The following MAGI1 variants were observed in gnomAD, a reference collection of about 807,000 sequenced individuals.
MAGI1 encodes the protein membrane associated guanylate kinase, WW and PDZ domain containing 1, also known as membrane-associated guanylate kinase, WW and PDZ domain-containing protein 1.
In MAGI1, 58 loss-of-function variants were observed where a neutral mutation model predicts 139.9. That is an observed-to-expected ratio of 0.41 (90% CI 0.34 to 0.52). MAGI1 has a LOEUF of 0.52. Among genes scored for constraint, MAGI1 ranks in the 20% least tolerant of loss-of-function variants. MAGI1 has a pLI of 0.12. For missense variants in MAGI1, 1,874 were observed against 1,901.6 expected (o/e 0.99, Z 0.27); for synonymous variants, 812 against 737.9 (o/e 1.10, Z -1.63).
At position 65,559,929 on chromosome 3, in the gene MAGI1, G is replaced by A. The variant is rs115385926; in HGVS notation, c.430+62043C>T. On this transcript the variant is annotated intron_variant, in intron 2 of 22. Transcript: ENST00000402939. The stretch of plus-strand genomic sequence containing the variant: ...CATGCAACTGTAGTCCCAGCTACTC[G>A]AGAGGCTGAGGTGGGAGGATCATCT... Among the ~76,000 whole-genome samples the A allele has an allele frequency of 3.7e-4, 57 of 152,190 alleles. 2 individuals carry two copies. Among genetic ancestry groups the A allele is most frequent in the South Asian group, 2.1e-4 (1 of 4,816 alleles).
chr3:65,763,818 C>T (rs1015903420), intron 1 of MAGI1, among the ~76,000 whole-genome samples: 2 of 151,748 alleles, frequency 1.3e-5, no homozygotes, highest in African/African-American at 4.8e-5. Context: ...TATCTGTAAT[C>T]CCAGCACTTT....
intron 1 of MAGI1, among the ~76,000 whole-genome samples, chr3:65,857,538 G>A (rs1052393455): frequency 1.1e-4 from 17 of 152,124 alleles, no homozygotes; most frequent in Admixed American, 7.2e-4. Context: ...TGGGTCACAC[G>A]GTTCAGGGTC....
intron 2 of MAGI1, among the ~76,000 whole-genome samples, chr3:65,592,369 G>A (rs1032370153): frequency 6.6e-6 from 1 of 152,068 alleles, no homozygotes; most frequent in East Asian, 1.9e-4. Context: ...CATGCAAAGG[G>A]GAGTTAATAG....
chr3:65,837,498 A>C (rs762593448), intron 1 of MAGI1, among the ~76,000 whole-genome samples: 2 of 152,194 alleles, frequency 1.3e-5, no homozygotes, highest in Non-Finnish European at 2.9e-5. Flanking sequence ...TCCAGCTCAC[A>C]CAAGGGAACC....
chr3:66,019,563 G>A (rs1311445612), intron 1 of MAGI1, among the ~76,000 whole-genome samples: 1 of 152,088 alleles, frequency 6.6e-6, no homozygotes, highest in East Asian at 1.9e-4. Context: ...TCTAAGACTT[G>A]GTTTCTTCAT....
At chr3:65,467,537 TAA>T (rs1480894196) in intron 5 of MAGI1, among the ~76,000 whole-genome samples, 5 of 152,242 alleles carry the variant, frequency 3.3e-5, no homozygotes, top group Non-Finnish European at 5.9e-5. Context: ...CATTTTTGTA[TAA>T]GTTTTCTACT....
chr3:65,765,561 C>G (rs960414239), intron 1 of MAGI1, among the ~76,000 whole-genome samples: 3 of 152,136 alleles, frequency 2.0e-5, no homozygotes, highest in African/African-American at 7.2e-5. Context: ...AGGATTCGGG[C>G]CCAGGACAAC....
At chr3:65,816,841 G>T (rs1345552346) in intron 1 of MAGI1, among the ~76,000 whole-genome samples, 1 of 152,126 alleles carries the variant, frequency 6.6e-6, no homozygotes, top group African/African-American at 2.4e-5. Flanking sequence ...AAAATGTTTT[G>T]TCAACAACTT....
intron 1 of MAGI1, among the ~76,000 whole-genome samples, chr3:65,818,794 A>T (rs2108239241): frequency 6.6e-6 from 1 of 152,290 alleles, no homozygotes; most frequent in African/African-American, 2.4e-5. Context: ...GACAATTGTT[A>T]CAGCAGCCTT....
chr3:65,400,971 T>C (rs1944840463), intron 13 of MAGI1, among the ~76,000 whole-genome samples: 1 of 151,954 alleles, frequency 6.6e-6, no homozygotes, highest in South Asian at 2.1e-4. Context: ...ATTTTGTAAA[T>C]AATTCATCCT....
Position 65,974,609 on chromosome 3 carries a change from A to G in MAGI1, c.313+63387T>C, listed in dbSNP as rs569462367. Reference sequence around the variant, plus strand: ...GTGGTTCTGGCTCAACATCTCTCACACCTCTGCAGTGTTAGTGGGGCTGCA... The same window carrying G: ...GTGGTTCTGGCTCAACATCTCTCACGCCTCTGCAGTGTTAGTGGGGCTGCA... On this transcript the variant is annotated intron_variant, in intron 1 of 22. Transcript: ENST00000402939. 2.0e-5 allele frequency among the ~76,000 whole-genome samples: 3 copies of G among 152,062 alleles called. No individual in the cohort carries two copies. In the South Asian group the frequency reaches 6.2e-4, roughly 32 times the overall value.
chr3:65,657,092 G>C (rs58869946), intron 1 of MAGI1, among the ~76,000 whole-genome samples: 1 of 151,498 alleles, frequency 6.6e-6, no homozygotes, highest in Non-Finnish European at 1.5e-5. Flanking sequence ...GCCAAGTATT[G>C]GGCTAAAAAC....
At chr3:65,754,822 T>C (rs1016753734) in intron 1 of MAGI1, among the ~76,000 whole-genome samples, 1 of 152,226 alleles carries the variant, frequency 6.6e-6, no homozygotes, top group Non-Finnish European at 1.5e-5. Context: ...TTAAACTTAA[T>C]TTGGAGTAAG....
intron 1 of MAGI1, among the ~76,000 whole-genome samples, chr3:65,812,450 T>A (rs2041306130): frequency 9.0e-6 from 1 of 111,258 alleles, no homozygotes; most frequent in African/African-American, 3.5e-5. Context: ...TCTCTTTCTC[T>A]CTCTCTCTCT....
chr3:65,737,007 T>C (rs2034800200), intron 1 of MAGI1, among the ~76,000 whole-genome samples: 1 of 152,268 alleles, frequency 6.6e-6, no homozygotes, highest in South Asian at 2.1e-4. Context: ...TCAAGACTTT[T>C]TTTTTTTTTT....
chr3:65,700,370 C>T (rs2107607761), intron 1 of MAGI1, among the ~76,000 whole-genome samples: 1 of 151,980 alleles, frequency 6.6e-6, no homozygotes, highest in Admixed American at 6.5e-5. Context: ...TGAACCGGGA[C>T]CCAGGAGGCG....
intron 1 of MAGI1, among the ~76,000 whole-genome samples, chr3:65,938,371 A>G (rs1354393708): frequency 1.3e-5 from 2 of 148,750 alleles, no homozygotes; most frequent in Non-Finnish European, 3.0e-5. Flanking sequence ...TATATTAAAT[A>G]TATTAACTTA....
intron 2 of MAGI1, among the ~76,000 whole-genome samples, chr3:65,582,608 T>C (rs2081488976): frequency 1.1e-5 from 1 of 94,766 alleles, no homozygotes. Context: ...CAAATAAGAC[T>C]TACTGTTGAA....
intron 11 of MAGI1, 22 bp from the exon 12 acceptor site, chr3:65,430,162 G>A (rs1212917687): frequency 1.2e-6 from 2 of 1,604,972 alleles, no homozygotes; most frequent in East Asian, 2.2e-5. Context: ...AAGAGTGTGG[G>A]GGTTAAGAAA....
Sources: allele counts gnomAD v4.1 joint callset (sites outside exome capture counted in the v4.1 genomes callset), GRCh38; gene constraint gnomAD v4.1.1; transcripts MANE v1.5; gene names NCBI Gene and HGNC (gene_info 2026-07-23, HGNC 2026-07-21).